COL25A1: variants seen among roughly 807,000 people sequenced by gnomAD.
The protein encoded by COL25A1 is collagen type XXV alpha 1 chain.
A neutral mutation model predicts 128.4 loss-of-function variants in COL25A1; 103 were observed. That is an observed-to-expected ratio of 0.80 (90% CI 0.68 to 0.94). COL25A1 has a LOEUF of 0.94. Among genes scored for constraint, COL25A1 ranks in the 40% least tolerant of loss-of-function variants. The probability of loss-of-function intolerance (pLI) is 0.00; values close to 1 mark genes in which losing one functional copy is unlikely to be tolerated. For synonymous variants in COL25A1, 279 were observed against 277.2 expected, an observed-to-expected ratio of 1.01 and a Z score of -0.06; for missense variants, 745 against 840.0, an observed-to-expected ratio of 0.89 and a Z score of 1.40.
At chr4:109,024,574 GATT>G (rs1223674120) in intron 5 of COL25A1, among the ~76,000 whole-genome samples, 1 of 151,978 alleles carries the variant, frequency 6.6e-6, no homozygotes, top group African/African-American at 2.4e-5. Flanking sequence ...CGGATGATAG[GATT>G]ATAAGTAAAT....
chr4:109,109,699 G>A (rs1200614124), intron 3 of COL25A1, among the ~76,000 whole-genome samples: 2 of 152,148 alleles, frequency 1.3e-5, no homozygotes, highest in Non-Finnish European at 2.9e-5. Flanking sequence ...CATCTGAAAT[G>A]CCCTTAACCC....
chr4:109,259,399 T>C (rs1017213154), intron 3 of COL25A1, among the ~76,000 whole-genome samples: 2 of 152,262 alleles, frequency 1.3e-5, no homozygotes, highest in African/African-American at 4.8e-5. Flanking sequence ...AATATATTGT[T>C]GGTACTTCTT....
chr4:109,081,679 G>C (rs1390033203), intron 3 of COL25A1, among the ~76,000 whole-genome samples: 1 of 151,912 alleles, frequency 6.6e-6, no homozygotes, highest in African/African-American at 2.4e-5. Context: ...CCAGCCATGG[G>C]CAATCACTAA....
At chr4:109,138,674 GTTGTTTTTTGTTTTTGTTT>G (rs1413923660) in intron 3 of COL25A1, among the ~76,000 whole-genome samples, 1 of 151,350 alleles carries the variant, frequency 6.6e-6, no homozygotes, top group Non-Finnish European at 1.5e-5. Flanking sequence ...TTTGGTTGTT[GTTGTTTTTTGTTTTTGTTT>G]TTGTTTTTTG....
intron 3 of COL25A1, among the ~76,000 whole-genome samples, chr4:109,174,045 G>C (rs1046088066): frequency 6.6e-6 from 1 of 152,068 alleles, no homozygotes; most frequent in African/African-American, 2.4e-5. Context: ...AATTGTATGA[G>C]TATTAAAAGC....
chr4:108,832,444 GATAAT>G lies in COL25A1; in HGVS notation c.1657-16_1657-12del, dbSNP rs776631520. 6.4e-7 allele frequency: 1 copy of G among 1,556,106 alleles called. No individual in the cohort carries two copies. The highest frequency in any genetic ancestry group is 2.2e-5 in the East Asian group (1 of 44,518). On this transcript the variant is annotated splice_polypyrimidine_tract_variant and intron_variant, in intron 31 of 37. Transcript: ENST00000399132. ...AGGACCATCTGTACCCTAAAAAAAA[GATAAT>G]ATGAGATATATCACAAGGGCTGCAA...
At chr4:109,045,328 T>A (rs970150825) in intron 5 of COL25A1, among the ~76,000 whole-genome samples, 2 of 152,094 alleles carry the variant, frequency 1.3e-5, no homozygotes, top group African/African-American at 4.8e-5. Flanking sequence ...CACCCCCACA[T>A]TGTTCAAGGG....
At chr4:108,892,990 CA>C (rs1344890453) in intron 16 of COL25A1, among the ~76,000 whole-genome samples, 1 of 152,154 alleles carries the variant, frequency 6.6e-6, no homozygotes, top group Non-Finnish European at 1.5e-5. Context: ...GAAGGCCCGG[CA>C]CCAATTAGGG....
At chr4:108,984,285 G>A (rs1753396825) in intron 6 of COL25A1, among the ~76,000 whole-genome samples, 1 of 152,194 alleles carries the variant, frequency 6.6e-6, no homozygotes, top group Non-Finnish European at 1.5e-5. Context: ...AGACACAAAG[G>A]TTCTCCACCT....
intron 2 of COL25A1, 112 bp from the exon 3 acceptor site, chr4:109,300,764 T>A: frequency 1.4e-6 from 1 of 714,448 alleles, no homozygotes. Context: ...CCTGCATAAC[T>A]AACATTTACA....
intron 31 of COL25A1, chr4:108,834,416 T>A: frequency 1.3e-6 from 2 of 1,549,990 alleles, no homozygotes; most frequent in South Asian, 2.4e-5. Context: ...GGTAGCAGGG[T>A]TGGTGGGTGT....
chr4:109,108,043 A>G (rs930946628), intron 3 of COL25A1, among the ~76,000 whole-genome samples: 6 of 152,140 alleles, frequency 3.9e-5, no homozygotes, highest in African/African-American at 1.4e-4. Context: ...ATTTTTTTAA[A>G]TTATACTTTA....
chr4:109,192,626 G>A (rs571758928), intron 3 of COL25A1, among the ~76,000 whole-genome samples: 83 of 152,210 alleles, frequency 5.5e-4, no homozygotes, highest in African/African-American at 1.3e-3. Flanking sequence ...AGGTCGAGGC[G>A]GCAGATCACG....
chr4:109,209,517 G>A (rs972963074), intron 3 of COL25A1, among the ~76,000 whole-genome samples: 3 of 151,998 alleles, frequency 2.0e-5, no homozygotes, highest in African/African-American at 7.2e-5. Flanking sequence ...CAGACACAAA[G>A]CAGTAAATTT....
At chr4:109,182,514 T>C (rs1774755343) in intron 3 of COL25A1, among the ~76,000 whole-genome samples, 2 of 152,118 alleles carry the variant, frequency 1.3e-5, no homozygotes, top group African/African-American at 2.4e-5. Flanking sequence ...TATGTAAGTG[T>C]TTAAAAGTAT....
intron 3 of COL25A1, among the ~76,000 whole-genome samples, chr4:109,132,693 T>C (rs755629331): frequency 1.4e-4 from 22 of 152,186 alleles, no homozygotes; most frequent in Non-Finnish European, 2.9e-4. Context: ...TGCATTATCC[T>C]TTTCTGAAGG....
chr4:108,902,427 T>TA (rs544149484), intron 13 of COL25A1, among the ~76,000 whole-genome samples: 42 of 152,134 alleles, frequency 2.8e-4, no homozygotes, highest in Admixed American at 2.8e-3. Context: ...GGTATGCTCT[T>TA]AACACCATGT....
intron 15 of COL25A1, among the ~76,000 whole-genome samples, chr4:108,898,014 G>A (rs902102069): frequency 1.3e-5 from 2 of 152,060 alleles, no homozygotes; most frequent in African/African-American, 4.8e-5. Context: ...TTAATTTCAG[G>A]TTAATTACCA....
chr4:108,996,722 G>A (rs2126021881), intron 6 of COL25A1, among the ~76,000 whole-genome samples: 1 of 152,250 alleles, frequency 6.6e-6, no homozygotes, highest in Middle Eastern at 3.4e-3. Context: ...CCACATAATT[G>A]ATACTAAAAC....
Sources: allele counts gnomAD v4.1 joint callset (sites outside exome capture counted in the v4.1 genomes callset), GRCh38; gene constraint gnomAD v4.1.1; transcripts MANE v1.5; gene names NCBI Gene and HGNC (gene_info 2026-07-23, HGNC 2026-07-21).